Variants in FBN2 observed in about 807,000 individuals in gnomAD.
The protein encoded by FBN2 is fibrillin-2.
Under a neutral mutation model 355.6 loss-of-function variants are expected in FBN2, and 105 were observed. The ratio of observed to expected loss-of-function variants is 0.30; its 90% CI spans 0.25 to 0.35. The LOEUF (loss-of-function observed/expected upper bound fraction) is 0.35. Among genes scored for constraint, FBN2 ranks in the 10% least tolerant of loss-of-function variants. The pLI, the probability that FBN2 is intolerant of heterozygous loss-of-function variation, is 1.00. For missense variants in FBN2, 3,280 were observed against 3,758.7 expected (o/e 0.87, Z 3.33); for synonymous variants, 1,350 against 1,301.2 (o/e 1.04, Z -0.81).
At chr5:128,301,070 T>G in intron 47 of FBN2, 134 bp from the exon 48 acceptor site, 1 of 789,428 alleles carries the variant, frequency 1.3e-6, no homozygotes, top group Non-Finnish European at 2.1e-6. Context: ...GAACAAATAT[T>G]ACCAAAGATA....
intron 7 of FBN2, among the ~76,000 whole-genome samples, chr5:128,417,472 T>C (rs919053272): frequency 2.6e-5 from 4 of 152,212 alleles, no homozygotes; most frequent in Non-Finnish European, 5.9e-5. Context: ...TTCAGTATGG[T>C]GTCAGCTGTG....
At chr5:128,366,654 T>C (rs1455261815) in intron 16 of FBN2, among the ~76,000 whole-genome samples, 1 of 152,088 alleles carries the variant, frequency 6.6e-6, no homozygotes, top group Non-Finnish European at 1.5e-5. Flanking sequence ...CTGAATATTA[T>C]TAATACATAT....
chr5:128,381,263 G>A (rs1210997755), intron 11 of FBN2, among the ~76,000 whole-genome samples: 1 of 152,012 alleles, frequency 6.6e-6, no homozygotes, highest in East Asian at 1.9e-4. Context: ...AAATATAATG[G>A]GTAAATATAA....
In FBN2 at chr5:128,464,800, G is replaced by A; in HGVS notation, c.750C>T (p.Pro250=). 1.9e-6 allele frequency: 3 copies of A among 1,614,234 alleles called. No individual in the cohort carries two copies. The highest frequency in any genetic ancestry group is 2.5e-6 in the Non-Finnish European group (3 of 1,180,036). ...GAGGCTGGGCTGGACACATCTCACA[G>A]GGATGGCCCCACGCCCGTCCAATGG... is the stretch of plus-strand genomic sequence containing the variant. ...CATIGRAWGH[P]CEMCPAQPQP... The change falls in exon 6 of 65, where the codon CCC becomes CCT. Residue 250 remains proline, a synonymous_variant. Coordinates refer to ENST00000262464, the MANE Select transcript of FBN2 (RefSeq NM_001999.4).
chr5:128,297,831 T>C (rs1749571929), intron 48 of FBN2, among the ~76,000 whole-genome samples: 1 of 152,174 alleles, frequency 6.6e-6, no homozygotes, highest in Non-Finnish European at 1.5e-5. Flanking sequence ...ATTTAGTCTA[T>C]TTACATTTAA....
At chr5:128,387,310 C>T (rs1030664819) in intron 11 of FBN2, among the ~76,000 whole-genome samples, 1 of 151,924 alleles carries the variant, frequency 6.6e-6, no homozygotes, top group Non-Finnish European at 1.5e-5. Flanking sequence ...TTGGTAATGT[C>T]TCCTTTATCA....
Position 128,527,876 on chromosome 5 carries a change from T to C in FBN2, c.528A>G (p.Gly176=). The change falls in exon 4 of 65, where the codon GGA becomes GGG. Residue 176 remains glycine (G), a synonymous_variant. Transcript: ENST00000262464. ...TAATAAATCAATGTCCCTTACGTTG[T>C]CCACAATAAGTTCCAATATATCCTT... ...CQKGYIGTYC[G]QPVCENGCQN... 8 of 1,598,686 alleles carry C rather than the reference T, an allele frequency of 5.0e-6. No homozygotes were observed. The highest frequency in any genetic ancestry group is 5.1e-6 in the Non-Finnish European group (6 of 1,166,434).
rs1750263552 is a variant in FBN2 at position 128,318,167 on chromosome 5, T to C, written c.4699A>G (p.Thr1567Ala). ...TACTTACCAACACAACCCACACCAG[T>C]TGGGTTCAACTGAAAATCGGGTGGG... ...NCPPDFQLNP[T>A]GVGCVDNRVG... The change falls in exon 36 of 65, where the codon ACT (threonine) becomes GCT (alanine). Residue 1567 changes from threonine to alanine, a missense_variant. By Grantham distance (58) the Thr-to-Ala change is moderately conservative. Transcript: ENST00000262464. 6.2e-7 allele frequency: 1 copy of C among 1,614,056 alleles called. No individual in the cohort carries two copies. The highest frequency in any genetic ancestry group is 8.5e-7 in the Non-Finnish European group (1 of 1,179,894).
chr5:128,519,388 GA>G lies in FBN2; in HGVS notation c.533-21del, dbSNP rs376325741. ...AGACAGCTGCATACAAAAATAGCAA[GA>G]AGCTCATTATATAGCCAGTCTCCAA... On this transcript the variant is annotated intron_variant, in intron 4 of 64. Transcript: ENST00000262464. The G allele has an allele frequency of 1.9e-5, 31 of 1,598,252 alleles. No homozygotes were observed. In the African/African-American group the frequency reaches 2.7e-4, roughly 14 times the overall value.
At chr5:128,496,212 T>A (rs1179638182) in intron 5 of FBN2, among the ~76,000 whole-genome samples, 1 of 151,928 alleles carries the variant, frequency 6.6e-6, no homozygotes, top group Non-Finnish European at 1.5e-5. Context: ...GATACCAAAA[T>A]CATACAAAGA....
At chr5:128,376,914 T>C in intron 13 of FBN2, 61 bp from the exon 14 acceptor site, 1 of 1,598,238 alleles carries the variant, frequency 6.3e-7, no homozygotes. Flanking sequence ...TCCTTCTTCT[T>C]CCATAAACAA....
intron 39 of FBN2, among the ~76,000 whole-genome samples, chr5:128,310,383 TATATATATATA>T (rs1750005933): frequency 2.1e-4 from 3 of 14,004 alleles, no homozygotes; most frequent in African/African-American, 6.8e-4. Flanking sequence ...TATATATATA[TATATATATATA>T]TATATATATT....
chr5:128,432,338 T>A (rs1038616419), intron 7 of FBN2, among the ~76,000 whole-genome samples: 2 of 152,084 alleles, frequency 1.3e-5, no homozygotes, highest in African/African-American at 2.4e-5. Flanking sequence ...AAAATAGTGG[T>A]AAAATTAAGT....
At position 128,497,507 on chromosome 5, in the gene FBN2, A is replaced by G. The variant is rs570521908; in HGVS notation, c.628+21766T>C. Among the ~76,000 whole-genome samples the G allele has an allele frequency of 7.9e-5, 12 of 152,334 alleles. No individual in the cohort carries two copies. In the South Asian group the frequency reaches 2.5e-3, roughly 32 times the overall value. ...TTGCTTTGTTGTCATCGTAACACTC[A>G]AGAAAGTGGCCTGAACCATCCAGAA... On this transcript the variant is annotated intron_variant, in intron 5 of 64. Transcript: ENST00000262464.
At chr5:128,450,557 T>C (rs1754210368) in intron 6 of FBN2, among the ~76,000 whole-genome samples, 2 of 152,144 alleles carry the variant, frequency 1.3e-5, no homozygotes, top group Admixed American at 6.5e-5. Flanking sequence ...GAGGTAAATG[T>C]ATAGCATTAA....
chr5:128,421,134 A>G (rs900388025), intron 7 of FBN2, among the ~76,000 whole-genome samples: 7 of 152,218 alleles, frequency 4.6e-5, no homozygotes, highest in East Asian at 1.9e-4. Flanking sequence ...TTAGAAAACA[A>G]TAAAACTAGA....
At chr5:128,354,432 G>A (rs913437301) in intron 20 of FBN2, among the ~76,000 whole-genome samples, 1 of 152,178 alleles carries the variant, frequency 6.6e-6, no homozygotes, top group Non-Finnish European at 1.5e-5. Context: ...GAAATGAGAA[G>A]CCTAGGATTT....
chr5:128,490,489 T>C (rs556601189), intron 5 of FBN2, among the ~76,000 whole-genome samples: 1 of 152,322 alleles, frequency 6.6e-6, no homozygotes, highest in African/African-American at 2.4e-5. Flanking sequence ...AACAAGAGTT[T>C]ACACCTCTAT....
intron 58 of FBN2, 78 bp downstream of exon 58, chr5:128,277,801 CT>C: frequency 2.8e-6 from 4 of 1,445,962 alleles, no homozygotes; most frequent in Non-Finnish European, 3.9e-6. Flanking sequence ...TAAAGACACT[CT>C]ACTGATAATG....
Sources: gnomAD v4.1 joint callset for allele counts (sites outside exome capture counted in the v4.1 genomes callset) on GRCh38, gnomAD v4.1.1 for gene constraint, MANE v1.5 for transcripts, NCBI Gene and HGNC (gene_info 2026-07-23, HGNC 2026-07-21) for gene names.